POM121C: variants seen among roughly 807,000 people sequenced by gnomAD.
POM121C encodes nuclear envelope pore membrane protein POM 121C.
In POM121C, 20 loss-of-function variants were observed where a neutral mutation model predicts 66.4. That is an observed-to-expected ratio of 0.30 (90% confidence interval 0.21 to 0.44). The LOEUF (loss-of-function observed/expected upper bound fraction) is 0.44, where lower values mean the gene tolerates loss of function less well. POM121C is among the 20% of genes least tolerant of loss of function. The pLI is 1.00. For synonymous variants in POM121C, 286 were observed against 528.0 expected, an observed-to-expected ratio of 0.54 and a Z score of 6.28; for missense variants, 580 against 1,225.7, an observed-to-expected ratio of 0.47 and a Z score of 7.87.
rs587651977 is a variant in POM121C, at chr7:75,439,059, C to A, written c.308+85G>T. ...TGAACTAATTAAGCAATGCAAAAAA[C>A]AAAGAGGAAAATCTATAGGGCAACA... On this transcript the variant is annotated intron_variant, in intron 6 of 14. Transcript: ENST00000615331. 133 of 1,481,682 alleles carry A rather than the reference C, an allele frequency of 9.0e-5. No homozygotes were observed. In the South Asian group the frequency reaches 1.4e-3, roughly 15 times the overall value. 91.8% of individuals were successfully genotyped at this position (1,481,682 alleles called of 1,614,324 possible). A position where few individuals can be genotyped will look rare whatever the true frequency, so the allele number is the denominator to read the frequency against.
At chr7:75,439,622 G>A (rs1790554389) in intron 5 of POM121C, among the ~76,000 whole-genome samples, 1 of 152,132 alleles carries the variant, frequency 6.6e-6, no homozygotes, top group Non-Finnish European at 1.5e-5. Context: ...CTGGGTTCCA[G>A]CGATCCTCCC....
intron 7 of POM121C, among the ~76,000 whole-genome samples, chr7:75,435,616 ATTACT>A (rs1315248472): frequency 1.3e-5 from 2 of 152,266 alleles, no homozygotes; most frequent in African/African-American, 2.4e-5. Context: ...GACAATTAAC[ATTACT>A]TTAAAACATG....
At chr7:75,457,229 A>T (rs1287068401) in intron 3 of POM121C, among the ~76,000 whole-genome samples, 7 of 150,998 alleles carry the variant, frequency 4.6e-5, no homozygotes, top group Admixed American at 2.0e-4. Flanking sequence ...GATCCAATCA[A>T]TCAAACCAAC....
chr7:75,481,577 A>T (rs1353511419), intron 1 of POM121C, among the ~76,000 whole-genome samples: 22 of 152,222 alleles, frequency 1.4e-4, no homozygotes, highest in Admixed American at 7.2e-4. Flanking sequence ...TCATGCCTAT[A>T]ATCCCAACAC....
At chr7:75,448,392 ATGTGCCTGTTTTTCC>A (rs1554475153) in intron 3 of POM121C, among the ~76,000 whole-genome samples, 1 of 150,430 alleles carries the variant, frequency 6.6e-6, no homozygotes, top group African/African-American at 2.4e-5. Context: ...ATATATTTAT[ATGTGCCTGTTTTTCC>A]TTATTATTTA....
intron 3 of POM121C, among the ~76,000 whole-genome samples, chr7:75,449,910 A>C (rs1298796549): frequency 1.3e-5 from 2 of 151,764 alleles, no homozygotes; most frequent in African/African-American, 4.9e-5. Flanking sequence ...AGCTATTAGG[A>C]AGGCTGAGGC....
chr7:75,460,369 G>T (rs1191636957), intron 3 of POM121C, among the ~76,000 whole-genome samples: 2 of 152,020 alleles, frequency 1.3e-5, no homozygotes, highest in Non-Finnish European at 2.9e-5. Context: ...AGGCATGGTG[G>T]CACATACCTA....
intron 3 of POM121C, among the ~76,000 whole-genome samples, chr7:75,458,711 G>A (rs1791337960): frequency 6.6e-6 from 1 of 151,940 alleles, no homozygotes; most frequent in Non-Finnish European, 1.5e-5. Flanking sequence ...ATTTAAACAG[G>A]AACTACAGTC....
At chr7:75,442,799 G>A in intron 3 of POM121C, 2 of 1,255,642 alleles carry the variant, frequency 1.6e-6, no homozygotes, top group Non-Finnish European at 1.0e-6. Context: ...CGCCCGCCAC[G>A]TCATGCGCGC....
chr7:75,480,965 G>C (rs3100020), intron 1 of POM121C, among the ~76,000 whole-genome samples: 1,442 of 93,392 alleles, frequency 0.015, no homozygotes, highest in Middle Eastern at 0.025. Context: ...TTTATGAGCT[G>C]TAATCTAAAA....
chr7:75,469,649 T>C (rs375825736), intron 3 of POM121C, among the ~76,000 whole-genome samples: 1 of 152,244 alleles, frequency 6.6e-6, no homozygotes, highest in African/African-American at 2.4e-5. Context: ...AAGACAATCC[T>C]TATGATCCTC....
chr7:75,447,967 T>G (rs2868108), intron 3 of POM121C, among the ~76,000 whole-genome samples: 54 of 147,598 alleles, frequency 3.7e-4, no homozygotes, highest in African/African-American at 8.0e-4. Flanking sequence ...GAGCTTGCAG[T>G]GAGCCGAGAT....
intron 3 of POM121C, among the ~76,000 whole-genome samples, chr7:75,471,925 G>A (rs1159667087): frequency 3.3e-5 from 5 of 151,978 alleles, no homozygotes; most frequent in African/African-American, 7.2e-5. Context: ...TGGCTCTGTC[G>A]CCCAGGCTGG....
intron 3 of POM121C, among the ~76,000 whole-genome samples, chr7:75,448,807 A>G (rs1444885601): frequency 6.6e-6 from 1 of 151,702 alleles, no homozygotes; most frequent in Non-Finnish European, 1.5e-5. Context: ...TCTCAAAAAA[A>G]AAAAACCAAA....
chr7:75,451,298 A>G (rs1281454519), intron 3 of POM121C, among the ~76,000 whole-genome samples: 2 of 148,816 alleles, frequency 1.3e-5, no homozygotes, highest in African/African-American at 5.0e-5. Context: ...ACTGTAACCA[A>G]AACAGCATGG....
rs1474251668 is a variant in POM121C, at chr7:75,417,834, C to T, written c.*962G>A. On this transcript the variant is annotated 3_prime_UTR_variant, in exon 15 of 15. Transcript: ENST00000615331. ...CTTTCCACATTCAATTAGCGAGGCC[C>T]CAGAAAACTTGAAACAGGAAGTCCG... is the stretch of plus-strand genomic sequence containing the variant. 2.1e-6 allele frequency: 2 copies of T among 968,062 alleles called. No individual in the cohort carries two copies. The highest frequency in any genetic ancestry group is 1.2e-4 in the Admixed American group (2 of 16,026). The allele number at this position is 968,062 out of a possible 1,614,324, so 60.0% of individuals were successfully genotyped here.
chr7:75,476,921 TGAAAAAGCTTGACA>T (rs1792101692), intron 1 of POM121C, among the ~76,000 whole-genome samples: 1 of 151,968 alleles, frequency 6.6e-6, no homozygotes, highest in South Asian at 2.1e-4. Flanking sequence ...TGAAGATACT[TGAAAAAGCTTGACA>T]GAAAAAGCTG....
chr7:75,431,524 AC>A (rs1554472341), intron 7 of POM121C, among the ~76,000 whole-genome samples: 1 of 148,960 alleles, frequency 6.7e-6, no homozygotes, highest in African/African-American at 2.5e-5. Context: ...AATCACTTGA[AC>A]CCAGGAGGTG....
At position 75,441,463 on chromosome 7, in the gene POM121C, G is replaced by A. The variant is rs1205694691; in HGVS notation, c.34C>T (p.Pro12Ser). 5.0e-6 allele frequency: 8 copies of A among 1,613,792 alleles called. No individual in the cohort carries two copies. Among genetic ancestry groups the A allele is most frequent in the Non-Finnish European group, 6.8e-6 (8 of 1,179,872 alleles). ...GAACGTGAAAATCTTCTGTCAGGAGGGGCGATCCTCACAGTCACTGGGCTA... is the reference window on the plus strand; with the variant it reads ...GAACGTGAAAATCTTCTGTCAGGAGAGGCGATCCTCACAGTCACTGGGCTA... ...VCSPVTVRIAPPDRRFSRSAI... is the reference protein window; with the variant it reads ...VCSPVTVRIASPDRRFSRSAI... The change falls in exon 4 of 15, where the codon CCT becomes TCT. Residue 12 changes from proline to serine, a missense_variant. By Grantham distance (74) the Pro-to-Ser change is moderately conservative. Transcript: ENST00000615331.
Sources: gnomAD v4.1 joint callset for allele counts (sites outside exome capture counted in the v4.1 genomes callset) on GRCh38, gnomAD v4.1.1 for gene constraint, MANE v1.5 for transcripts, NCBI Gene and HGNC (gene_info 2026-07-23, HGNC 2026-07-21) for gene names.